Variants in GNG7 observed in about 807,000 individuals in gnomAD.
The protein encoded by GNG7 is guanine nucleotide-binding protein G(I)/G(S)/G(O) subunit gamma-7.
A neutral mutation model predicts 4.0 loss-of-function variants in GNG7; 1 was observed. The observed-to-expected ratio is 0.25, with a 90% CI of 0.09 to 1.18. GNG7 has a LOEUF of 1.18. Ranked by LOEUF, GNG7 falls within the 50% of genes most tolerant of loss-of-function variation. The pLI, the probability that GNG7 is intolerant of heterozygous loss-of-function variation, is 0.50. For synonymous variants in GNG7, 34 were observed against 36.9 expected (o/e 0.92, Z 0.29); for missense variants, 86 against 91.9 (o/e 0.94, Z 0.26).
At chr19:2,563,981 G>A (rs1340694272) in intron 2 of GNG7, among the ~76,000 whole-genome samples, 2 of 152,116 alleles carry the variant, frequency 1.3e-5, no homozygotes, top group Non-Finnish European at 2.9e-5. Flanking sequence ...GGGGGTGTTG[G>A]GTGGGGTGGG....
chr19:2,556,012 G>C (rs1342998649), intron 2 of GNG7, among the ~76,000 whole-genome samples: 1 of 152,230 alleles, frequency 6.6e-6, no homozygotes, highest in Non-Finnish European at 1.5e-5. Flanking sequence ...AGGTCTGGAG[G>C]GAGATCCAGG....
At chr19:2,605,759 G>A (rs996492853) in intron 2 of GNG7, among the ~76,000 whole-genome samples, 8 of 151,910 alleles carry the variant, frequency 5.3e-5, no homozygotes, top group Middle Eastern at 3.4e-3. Context: ...TGATCTGCCC[G>A]CCTTGGCCTC....
At chr19:2,567,123 CAAA>C (rs112853732) in intron 2 of GNG7, among the ~76,000 whole-genome samples, 8 of 39,826 alleles carry the variant, frequency 2.0e-4, no homozygotes, top group African/African-American at 8.4e-4. Flanking sequence ...AAAAAAAAAA[CAAA>C]AAAAACAAAA....
chr19:2,643,203 CTT>C (rs1216238302), intron 2 of GNG7: 14 of 451,772 alleles, frequency 3.1e-5, no homozygotes. Flanking sequence ...CTCTGCACAC[CTT>C]CCGGCCTTGC....
rs569337317 is a variant in GNG7 at position 2,697,404 on chromosome 19, A to G, written c.-135+5242T>C. Among the ~76,000 whole-genome samples, 708 of 152,058 alleles carry G rather than the reference A, an allele frequency of 4.7e-3. 8 individuals are homozygous for G. The highest frequency in any genetic ancestry group is 0.016 in the African/African-American group (659 of 41,464). ...CACTCACGCCGCAGGATGGGGGAGG[A>G]GGAGGACAGGAGTGACCCCTCGGGG... On this transcript the variant is annotated intron_variant, in intron 1 of 4. Coordinates refer to ENST00000382159, the MANE Select transcript of GNG7 (RefSeq NM_052847.3).
intron 4 of GNG7, among the ~76,000 whole-genome samples, chr19:2,515,480 T>C (rs1162706179): frequency 6.6e-6 from 1 of 151,772 alleles, no homozygotes; most frequent in Non-Finnish European, 1.5e-5. Flanking sequence ...CAGGCTCTAG[T>C]GCAGTGGCAC....
At chr19:2,688,534 G>A (rs1030665247) in intron 1 of GNG7, among the ~76,000 whole-genome samples, 3 of 152,124 alleles carry the variant, frequency 2.0e-5, no homozygotes, top group Non-Finnish European at 2.9e-5. Flanking sequence ...GTCTGATCAC[G>A]AGAGAAATAT....
At chr19:2,686,782 C>T (rs1277115746) in intron 1 of GNG7, among the ~76,000 whole-genome samples, 1 of 148,468 alleles carries the variant, frequency 6.7e-6, no homozygotes, top group Non-Finnish European at 1.5e-5. Context: ...GACAGAGTCT[C>T]GCTCTCTCGC....
At chr19:2,521,487 C>A (rs1300730219) in intron 3 of GNG7, among the ~76,000 whole-genome samples, 1 of 152,046 alleles carries the variant, frequency 6.6e-6, no homozygotes, top group Non-Finnish European at 1.5e-5. Context: ...TTGCTCAGCT[C>A]CCTGCAGTGC....
chr19:2,607,765 C>T (rs879932263), intron 2 of GNG7, among the ~76,000 whole-genome samples: 1 of 152,100 alleles, frequency 6.6e-6, no homozygotes, highest in Non-Finnish European at 1.5e-5. Flanking sequence ...GTGGCGTCTC[C>T]GCTTCTCACT....
intron 2 of GNG7, among the ~76,000 whole-genome samples, chr19:2,568,877 CAT>C (rs1176338659): frequency 1.3e-5 from 2 of 152,018 alleles, no homozygotes; most frequent in Admixed American, 1.3e-4. Flanking sequence ...AGTACACACA[CAT>C]ACTCATGTGC....
At chr19:2,559,327 C>T (rs1349180543) in intron 2 of GNG7, among the ~76,000 whole-genome samples, 1 of 147,262 alleles carries the variant, frequency 6.8e-6, no homozygotes, top group Non-Finnish European at 1.5e-5. Context: ...TTTATCTGAT[C>T]AATACATGAC....
At chr19:2,625,476 A>G (rs966973051) in intron 2 of GNG7, among the ~76,000 whole-genome samples, 1 of 152,104 alleles carries the variant, frequency 6.6e-6, no homozygotes. Flanking sequence ...GGCCTCTGAA[A>G]GTGCTGGGAT....
At chr19:2,643,868 C>T (rs911034729) in intron 2 of GNG7, 7 of 345,404 alleles carry the variant, frequency 2.0e-5, no homozygotes, top group Non-Finnish European at 4.0e-5. Context: ...CCCAACCCCC[C>T]AGCCTCCAGG....
chr19:2,642,517 C>T (rs1982535515), intron 2 of GNG7: 2 of 351,248 alleles, frequency 5.7e-6, no homozygotes, highest in African/African-American at 2.1e-5. Flanking sequence ...AGGTGTGCAC[C>T]ACCACGCCTG....
chr19:2,691,120 G>A (rs374395577), intron 1 of GNG7, among the ~76,000 whole-genome samples: 3 of 152,144 alleles, frequency 2.0e-5, no homozygotes, highest in South Asian at 2.1e-4. Flanking sequence ...GCAGGGAGGT[G>A]TATGGGAACT....
intron 2 of GNG7, among the ~76,000 whole-genome samples, chr19:2,600,467 CAT>C (rs1491209911): frequency 6.2e-5 from 7 of 113,028 alleles, no homozygotes; most frequent in African/African-American, 2.0e-4. Flanking sequence ...AGTATCTTGG[CAT>C]TTTTTTTTTT....
chr19:2,661,671 A>T (rs1983182654), intron 1 of GNG7, among the ~76,000 whole-genome samples: 1 of 48,718 alleles, frequency 2.1e-5, no homozygotes, highest in Non-Finnish European at 3.8e-5. Flanking sequence ...AGACTCCATT[A>T]AAAAAAAAAA....
rs377257327 is a variant in GNG7, at chr19:2,600,533, G to A, written c.-77-45345C>T. On this transcript the variant is annotated intron_variant, in intron 2 of 4. Transcript: ENST00000382159. ...GTCACCCAGGCTGGAGTGCAGTGGC[G>A]CAATCTCAGCTCACTTCAACCTCCG... Among the ~76,000 whole-genome samples, 165 of 148,802 alleles carry A rather than the reference G, an allele frequency of 1.1e-3. 3 individuals are homozygous for A. The highest frequency in any genetic ancestry group is 3.9e-3 in the African/African-American group (158 of 40,330).
Sources: gnomAD v4.1 joint callset for allele counts (sites outside exome capture counted in the v4.1 genomes callset) on GRCh38, gnomAD v4.1.1 for gene constraint, MANE v1.5 for transcripts, NCBI Gene and HGNC (gene_info 2026-07-23, HGNC 2026-07-21) for gene names.